LRBA: variants seen among roughly 807,000 people sequenced by gnomAD.
The protein encoded by LRBA is lipopolysaccharide-responsive and beige-like anchor protein.
Under a neutral mutation model 330.0 loss-of-function variants are expected in LRBA, and 176 were observed. The observed-to-expected ratio is 0.53, with a 90% CI of 0.47 to 0.60. LRBA has a LOEUF of 0.60. Among genes scored for constraint, LRBA ranks in the 20% least tolerant of loss-of-function variants. LRBA has a pLI of 0.00. For missense variants in LRBA, 3,259 were observed against 3,444.8 expected, an observed-to-expected ratio of 0.95 and a Z score of 1.35; for synonymous variants, 1,230 against 1,193.0, an observed-to-expected ratio of 1.03 and a Z score of -0.64.
intron 2 of LRBA, among the ~76,000 whole-genome samples, chr4:150,961,278 T>C (rs921277663): frequency 2.0e-5 from 3 of 149,166 alleles, no homozygotes; most frequent in Non-Finnish European, 4.4e-5. Flanking sequence ...CTATGTGAAA[T>C]AATTAAACAA....
At chr4:150,437,212 T>G (rs893303799) in intron 44 of LRBA, among the ~76,000 whole-genome samples, 1 of 151,962 alleles carries the variant, frequency 6.6e-6, no homozygotes, top group Non-Finnish European at 1.5e-5. Context: ...AAACCACATT[T>G]AGTTAATTAG....
At chr4:150,895,552 C>A (rs903807299) in intron 16 of LRBA, among the ~76,000 whole-genome samples, 1 of 151,106 alleles carries the variant, frequency 6.6e-6, no homozygotes, top group African/African-American at 2.4e-5. Context: ...TTTGTCCTTG[C>A]AATAGTTTGC....
chr4:150,362,242 CT>C (rs1349492960), intron 47 of LRBA, among the ~76,000 whole-genome samples: 2 of 152,076 alleles, frequency 1.3e-5, no homozygotes, highest in Admixed American at 6.6e-5. Flanking sequence ...TTGACTTCTC[CT>C]TTCCCCTCTC....
chr4:151,004,789 C>G (rs1174423848), intron 2 of LRBA, among the ~76,000 whole-genome samples: 3 of 151,800 alleles, frequency 2.0e-5, no homozygotes, highest in Non-Finnish European at 4.4e-5. Flanking sequence ...AGTTCAAGAC[C>G]AGCCTGGGCA....
chr4:150,584,155 TCAGA>T (rs1302935888), intron 40 of LRBA: 1 of 1,493,962 alleles, frequency 6.7e-7, no homozygotes, highest in South Asian at 1.4e-5. Flanking sequence ...GCGTGCTCTC[TCAGA>T]CACACAACTC....
chr4:150,981,410 CAA>C (rs58638225), intron 2 of LRBA, among the ~76,000 whole-genome samples: 1,140 of 106,400 alleles, frequency 0.011, 4 homozygotes, highest in Non-Finnish European at 0.012. Context: ...GAGACTGTCT[CAA>C]AAAAAAAAAA....
intron 37 of LRBA, among the ~76,000 whole-genome samples, chr4:150,678,014 C>A (rs1175522177): frequency 6.6e-6 from 1 of 151,720 alleles, no homozygotes; most frequent in Non-Finnish European, 1.5e-5. Context: ...CCGAGGTGGG[C>A]AGATAATTTG....
chr4:150,633,704 T>C (rs1777604140), intron 37 of LRBA, among the ~76,000 whole-genome samples: 1 of 152,204 alleles, frequency 6.6e-6, no homozygotes, highest in African/African-American at 2.4e-5. Flanking sequence ...AATATGGCCA[T>C]AAGGCCTCGT....
At chr4:150,809,566 C>T (rs750573383) in intron 31 of LRBA, among the ~76,000 whole-genome samples, 12 of 152,266 alleles carry the variant, frequency 7.9e-5, no homozygotes, top group Non-Finnish European at 1.3e-4. Flanking sequence ...AAAGAATTGC[C>T]ATTTTTGGCC....
chr4:150,266,988 T>A (rs1182158825), intron 56 of LRBA, among the ~76,000 whole-genome samples: 1 of 152,068 alleles, frequency 6.6e-6, no homozygotes, highest in African/African-American at 2.4e-5. Context: ...GAGAAAAGGG[T>A]AAATTCACAG....
intron 17 of LRBA, among the ~76,000 whole-genome samples, chr4:150,891,706 G>T (rs995247515): frequency 6.6e-6 from 1 of 152,058 alleles, no homozygotes; most frequent in Admixed American, 6.6e-5. Context: ...AATCTCTCTC[G>T]TGAGTGTGTG....
chr4:150,897,683 G>A, intron 15 of LRBA, 56 bp downstream of exon 15: 2 of 1,206,462 alleles, frequency 1.7e-6, no homozygotes, highest in Non-Finnish European at 2.4e-6. Flanking sequence ...TGTATTTCAT[G>A]TGAAATTATA....
chr4:150,601,525 C>T (rs1043979937), intron 37 of LRBA, among the ~76,000 whole-genome samples: 1 of 151,752 alleles, frequency 6.6e-6, no homozygotes, highest in Admixed American at 6.6e-5. Flanking sequence ...ATTTTTATAC[C>T]TTGACACTAA....
At chr4:150,920,233 T>C (rs922310087) in intron 5 of LRBA, among the ~76,000 whole-genome samples, 14 of 152,108 alleles carry the variant, frequency 9.2e-5, no homozygotes, top group South Asian at 4.1e-4. Context: ...AGGAAAAGAA[T>C]AGACTGAAAT....
chr4:150,848,191 T>C (rs1750114379), intron 26 of LRBA, among the ~76,000 whole-genome samples: 1 of 152,070 alleles, frequency 6.6e-6, no homozygotes, highest in Admixed American at 6.6e-5. Context: ...ATTTTTGTAT[T>C]TTTAGTAAAG....
chr4:150,522,167 AT>A (rs1762984339), intron 40 of LRBA, among the ~76,000 whole-genome samples: 2 of 152,178 alleles, frequency 1.3e-5, no homozygotes, highest in Non-Finnish European at 2.9e-5. Flanking sequence ...GGATGGTGTC[AT>A]CTATAAGAAA....
chr4:150,787,964 A>G (rs1739319440), intron 34 of LRBA, among the ~76,000 whole-genome samples: 1 of 152,208 alleles, frequency 6.6e-6, no homozygotes, highest in Non-Finnish European at 1.5e-5. Flanking sequence ...CCCAGCAGTC[A>G]GATTGCTGGA....
intron 35 of LRBA, among the ~76,000 whole-genome samples, chr4:150,744,308 T>C (rs1050246457): frequency 1.3e-5 from 2 of 152,190 alleles, no homozygotes; most frequent in Non-Finnish European, 1.5e-5. Context: ...TTAATTGAAT[T>C]GATTAGTCAA....
chr4:150,608,318 G>C (rs10000655), intron 37 of LRBA, among the ~76,000 whole-genome samples: 118,454 of 152,128 alleles, frequency 0.78, 51,042 homozygotes, highest in Non-Finnish European at 0.95. Context: ...TGGGTATTTT[G>C]CTAGACCCAG....
Sources: gnomAD v4.1 joint callset for allele counts (sites outside exome capture counted in the v4.1 genomes callset) on GRCh38, gnomAD v4.1.1 for gene constraint, MANE v1.5 for transcripts, NCBI Gene and HGNC (gene_info 2026-07-23, HGNC 2026-07-21) for gene names.